The following CACNA1E variants were observed in gnomAD, a reference collection of about 807,000 sequenced individuals.
The protein encoded by CACNA1E is calcium voltage-gated channel subunit alpha1 E, also known as voltage-dependent R-type calcium channel subunit alpha-1E.
CACNA1E carries 40 observed loss-of-function variants against 259.2 expected under a neutral mutation model. The observed-to-expected ratio is 0.15, with a 90% confidence interval of 0.12 to 0.20. The LOEUF (loss-of-function observed/expected upper bound fraction) is 0.20. Ranked by LOEUF, CACNA1E falls within the 10% of genes least tolerant of loss-of-function variation. CACNA1E has a pLI of 1.00. For missense variants in CACNA1E, 1,874 were observed against 3,040.1 expected, an observed-to-expected ratio of 0.62 and a Z score of 9.02; for synonymous variants, 1,104 against 1,138.5, an observed-to-expected ratio of 0.97 and a Z score of 0.61.
chr1:181,468,304 G>T (rs939424754), intron 2 of CACNA1E, among the ~76,000 whole-genome samples: 4 of 152,170 alleles, frequency 2.6e-5, no homozygotes, highest in African/African-American at 2.4e-5. Flanking sequence ...TTAGGTTTGC[G>T]AGTTGCACTT....
intron 1 of CACNA1E, among the ~76,000 whole-genome samples, chr1:181,369,619 G>T (rs565807732): frequency 6.6e-6 from 1 of 152,218 alleles, no homozygotes; most frequent in East Asian, 1.9e-4. Flanking sequence ...GAACCAAGGG[G>T]CTCCAGCTGC....
intron 7 of CACNA1E, among the ~76,000 whole-genome samples, chr1:181,659,370 T>C (rs1647371563): frequency 6.6e-6 from 1 of 152,250 alleles, no homozygotes; most frequent in Admixed American, 6.5e-5. Flanking sequence ...GTAGCATTTT[T>C]ACTTGTCTCA....
rs533451613 is a variant in CACNA1E, at chr1:181,449,816, C to G, written c.435-33928C>G. Among the ~76,000 whole-genome samples, 3 of 152,206 alleles carry G rather than the reference C, an allele frequency of 2.0e-5. 1 individual carries two copies. The South Asian group carries it at 6.2e-4, about 32-fold the overall frequency. ...TGGATATTCAAAGACAAAAAATGACCAACTTATTTCTCAATTAAAATGGCA... is the reference window on the plus strand; with the variant it reads ...TGGATATTCAAAGACAAAAAATGACGAACTTATTTCTCAATTAAAATGGCA... On this transcript the variant is annotated intron_variant, in intron 2 of 11. Transcript: ENST00000524607.
rs576927174 is a variant in CACNA1E, at chr1:181,758,828, C to T, written c.4565C>T (p.Ser1522Phe). Residue 1522 changes from serine to phenylalanine, a missense_variant, in exon 32 of 48, where the codon TCC becomes TTC. This residue lies in a region of CACNA1E where 188 missense variants were observed against 540.6 expected (regional missense o/e 0.35). Coordinates refer to ENST00000367573, the MANE Select transcript of CACNA1E (RefSeq NM_001205293.3). This position sits in a 1 kb window ranked among gnomAD's most constrained non-coding sequence, Gnocchi z 4.2. ...AATATCGCCTTCACCATGGTGTTTT[C>T]CCTGGAATGTGTCCTGAAGGTCATC... ...YLNIAFTMVF[S>F]LECVLKVIAF... 6.2e-6 allele frequency: 10 copies of T among 1,612,776 alleles called. No individual in the cohort carries two copies. The South Asian group carries it at 7.7e-5, about 12-fold the overall frequency.
chr1:181,391,265 A>G lies in CACNA1E; in HGVS notation c.-14-21868A>G, dbSNP rs370167916. On this transcript the variant is annotated intron_variant, in intron 1 of 11. Transcript: ENST00000524607. ...CAGCAGCCAGAGTAATCTTTCAAAA[A>G]ATAATCTAAGATCCTGCCACTCCCC... is the stretch of plus-strand genomic sequence containing the variant. Among the ~76,000 whole-genome samples the G allele has an allele frequency of 1.2e-4, 18 of 152,314 alleles. No homozygotes were observed. The East Asian group carries it at 2.9e-3, about 24-fold the overall frequency.
At chr1:181,505,994 A>C (rs1435022365) in intron 1 of CACNA1E, among the ~76,000 whole-genome samples, 1 of 152,234 alleles carries the variant, frequency 6.6e-6, no homozygotes, top group Non-Finnish European at 1.5e-5. Flanking sequence ...CCATTTGTTC[A>C]AGATTTCAAA....
chr1:181,432,965 G>A (rs1445007833), intron 2 of CACNA1E, among the ~76,000 whole-genome samples: 13 of 152,150 alleles, frequency 8.5e-5, no homozygotes, highest in Admixed American at 8.5e-4. Context: ...TATTGAGAAA[G>A]TATTTTACAT....
chr1:181,586,909 G>T (rs1185177104), intron 6 of CACNA1E, among the ~76,000 whole-genome samples: 13 of 152,200 alleles, frequency 8.5e-5, no homozygotes, highest in Non-Finnish European at 1.5e-5. Context: ...CCACTTACAT[G>T]CTGATGGGAA....
At chr1:181,602,862 A>G (rs768958680) in intron 6 of CACNA1E, among the ~76,000 whole-genome samples, 1 of 152,206 alleles carries the variant, frequency 6.6e-6, no homozygotes, top group Non-Finnish European at 1.5e-5. Context: ...GGTTGTATTA[A>G]TAAAAACAAC....
chr1:181,757,412 T>G lies in CACNA1E; in HGVS notation c.4329+286T>G, dbSNP rs1489094870. On this transcript the variant is annotated intron_variant, in intron 30 of 47. Transcript: ENST00000367573. Reference sequence around the variant, plus strand: ...AATGATAACTTCAGATATCTGCTTATCTGACTGTGACCTTCCATGCCATGT... The same window carrying G: ...AATGATAACTTCAGATATCTGCTTAGCTGACTGTGACCTTCCATGCCATGT... Among the ~76,000 whole-genome samples the G allele has an allele frequency of 2.0e-5, 3 of 152,340 alleles. No homozygotes were observed. In the East Asian group the frequency reaches 5.8e-4, roughly 29 times the overall value.
intron 1 of CACNA1E, among the ~76,000 whole-genome samples, chr1:181,369,681 T>A (rs184907011): frequency 6.6e-6 from 1 of 152,136 alleles, no homozygotes; most frequent in African/African-American, 2.4e-5. Context: ...GGAAGACCAA[T>A]GAGTCCCTTC....
rs1007815714 is a variant in CACNA1E at position 181,732,941 on chromosome 1, T to C, written c.2855T>C (p.Met952Thr). Residue 952 changes from methionine to threonine, a missense_variant, in exon 20 of 48, where the codon ATG (methionine) becomes ACG (threonine). Around this residue, in one of 14 missense-constraint regions of CACNA1E, gnomAD observed 476 missense variants for 514.0 expected, o/e 0.93. Transcript: ENST00000367573. This position sits in a 1 kb window ranked among gnomAD's most constrained non-coding sequence, Gnocchi z 5.5. ...CAGGAACGCAGTCTGGATGAAGCCA[T>C]GCCCACTGAAGGGGAGAAGGACCAT... ...ASQERSLDEA[M>T]PTEGEKDHEL... 1.2e-6 allele frequency: 2 copies of C among 1,613,962 alleles called. No individual in the cohort carries two copies. The highest frequency in any genetic ancestry group is 1.7e-6 in the Non-Finnish European group (2 of 1,179,874).
intron 3 of CACNA1E, among the ~76,000 whole-genome samples, chr1:181,536,755 C>T (rs925059888): frequency 3.9e-5 from 6 of 152,140 alleles, no homozygotes; most frequent in African/African-American, 9.7e-5. Context: ...GATGACCAGT[C>T]CCCTGGGAGA....
intron 1 of CACNA1E, among the ~76,000 whole-genome samples, chr1:181,494,487 G>A (rs1209249624): frequency 2.0e-5 from 3 of 151,970 alleles, no homozygotes; most frequent in African/African-American, 7.2e-5. Context: ...TTTATATCAA[G>A]TATATTTTAT....
At chr1:181,575,016 C>G (rs1650819347) in intron 3 of CACNA1E, among the ~76,000 whole-genome samples, 1 of 95,252 alleles carries the variant, frequency 1.0e-5, no homozygotes. Flanking sequence ...CAGAGCAAGA[C>G]TCTGTCTCAA....
At chr1:181,715,481 G>C in intron 9 of CACNA1E, 90 bp downstream of exon 9, 1 of 723,356 alleles carries the variant, frequency 1.4e-6, no homozygotes, top group Non-Finnish European at 2.5e-6. Context: ...AGAAAGAAAT[G>C]AAAGATGGTG....
intron 2 of CACNA1E, among the ~76,000 whole-genome samples, chr1:181,435,526 A>G (rs72729400): frequency 0.13 from 19,742 of 152,006 alleles, 1,477 homozygotes; most frequent in South Asian, 0.29. Context: ...TTATTTATTT[A>G]TTTATTTATT....
At chr1:181,762,764 C>T (rs1320635713) in intron 33 of CACNA1E, 107 bp downstream of exon 33, 2 of 691,948 alleles carry the variant, frequency 2.9e-6, no homozygotes, top group African/African-American at 1.9e-5. Context: ...CAAATGCGTA[C>T]CCCTCTAAGT....
At chr1:181,372,828 A>ATATAT (rs1491221060) in intron 1 of CACNA1E, among the ~76,000 whole-genome samples, 6,778 of 101,424 alleles carry the variant, frequency 0.067, 265 homozygotes, top group East Asian at 0.15. Flanking sequence ...ATATATATAT[A>ATATAT]TTTTTTTTTT....
Sources: allele counts gnomAD v4.1 joint callset (sites outside exome capture counted in the v4.1 genomes callset), GRCh38; gene constraint gnomAD v4.1.1; regional missense constraint gnomAD v4.1.1; non-coding constraint Gnocchi (gnomAD v3.1); transcripts MANE v1.5; gene names NCBI Gene and HGNC (gene_info 2026-07-23, HGNC 2026-07-21).